The following PARP8 variants were observed in gnomAD, a reference collection of about 807,000 sequenced individuals.
The protein encoded by PARP8 is protein mono-ADP-ribosyltransferase PARP8.
In PARP8, 51 loss-of-function variants were observed where a neutral mutation model predicts 124.1. The ratio of observed to expected loss-of-function variants is 0.41; its 90% CI spans 0.33 to 0.52. The LOEUF (loss-of-function observed/expected upper bound fraction) is 0.52, where lower values mean the gene tolerates loss of function less well. Among genes scored for constraint, PARP8 ranks in the 20% least tolerant of loss-of-function variants. The probability of loss-of-function intolerance (pLI) is 0.21; values close to 1 mark genes in which losing one functional copy is unlikely to be tolerated. For synonymous variants in PARP8, 391 were observed against 361.5 expected, an observed-to-expected ratio of 1.08 and a Z score of -0.93; for missense variants, 860 against 1,018.9, an observed-to-expected ratio of 0.84 and a Z score of 2.12.
rs765290974 is a variant in PARP8 at position 50,797,232 on chromosome 5, G to A, written c.1574G>A (p.Arg525Lys). ...PHVFQNGPMLRPTVCERELCV... is the reference protein window; with the variant it reads ...PHVFQNGPMLKPTVCERELCV... ...GTGTTTCAAAATGGCCCTATGCTTA[G>A]GGTAAGTTCTTGCTGATAGAATGTC... Residue 525 changes from arginine to lysine, a missense_variant and splice_region_variant, in exon 14 of 26, where the codon AGG (arginine) becomes AAG (lysine). Physicochemically the swap from Arg to Lys is conservative, Grantham distance 26. This residue lies in a region of PARP8 where 343 missense variants were observed against 474.7 expected (regional missense o/e 0.72). Transcript: ENST00000281631. The A allele has an allele frequency of 6.3e-7, 1 of 1,597,792 alleles. No homozygotes were observed. The highest frequency in any genetic ancestry group is 1.3e-5 in the African/African-American group (1 of 74,700).
At chr5:50,806,824 T>C (rs555280412) in intron 14 of PARP8, among the ~76,000 whole-genome samples, 3 of 152,210 alleles carry the variant, frequency 2.0e-5, no homozygotes, top group African/African-American at 7.2e-5. Context: ...TGCTGTAAAT[T>C]CAAGAGTAAT....
At chr5:50,699,973 C>T (rs976241432) in intron 2 of PARP8, among the ~76,000 whole-genome samples, 7 of 152,106 alleles carry the variant, frequency 4.6e-5, no homozygotes, top group African/African-American at 1.7e-4. Context: ...GGATAGATAG[C>T]ATGACTCATG....
At chr5:50,667,601 T>A in intron 1 of PARP8, 1 of 699,278 alleles carries the variant, frequency 1.4e-6, no homozygotes, top group Non-Finnish European at 2.6e-6. Flanking sequence ...GCGCTGCGCT[T>A]GTAAGCTGCG....
At chr5:50,784,990 CCT>C (rs987447719) in intron 9 of PARP8, among the ~76,000 whole-genome samples, 10 of 151,808 alleles carry the variant, frequency 6.6e-5, no homozygotes, top group East Asian at 3.9e-4. Context: ...ACTCCAAACC[CCT>C]GTTTCTCTGT....
intron 7 of PARP8, among the ~76,000 whole-genome samples, chr5:50,764,467 G>A (rs979624292): frequency 2.0e-5 from 3 of 152,200 alleles, no homozygotes; most frequent in African/African-American, 7.2e-5. Flanking sequence ...TGGCACAGCT[G>A]TAATTTATAA....
At chr5:50,670,800 C>G (rs1749921709) in intron 2 of PARP8, among the ~76,000 whole-genome samples, 1 of 152,206 alleles carries the variant, frequency 6.6e-6, no homozygotes, top group South Asian at 2.1e-4. Context: ...TTAGTGTTTT[C>G]AAGCTTTTTG....
intron 7 of PARP8, among the ~76,000 whole-genome samples, chr5:50,777,453 C>T (rs1561365575): frequency 6.6e-6 from 1 of 152,036 alleles, no homozygotes; most frequent in African/African-American, 2.4e-5. Context: ...CTTTCATTCG[C>T]TTAAGAAGTA....
chr5:50,765,684 A>G (rs1393807360), intron 7 of PARP8, among the ~76,000 whole-genome samples: 1 of 152,234 alleles, frequency 6.6e-6, no homozygotes, highest in East Asian at 1.9e-4. Flanking sequence ...GATATTTCCA[A>G]AATAAATATC....
In PARP8 at chr5:50,677,924, T is replaced by TA. The variant is rs34570578; in HGVS notation, c.146+9811dup. Among the ~76,000 whole-genome samples, 405 of 143,242 alleles carry TA rather than the reference T, an allele frequency of 2.8e-3. 2 individuals are homozygous for TA. Among genetic ancestry groups the TA allele is most frequent in the African/African-American group, 6.1e-3 (243 of 39,742 alleles). The allele number at this position is 143,242 out of a possible 152,430, so 94.0% of individuals were successfully genotyped here. On this transcript the variant is annotated intron_variant, in intron 2 of 25. Transcript: ENST00000281631. ...TCTGAATATTCTGATTTACAGAAAT[T>TA]AAAAAAAAAAAACCCTGTACATTAT...
chr5:50,747,090 G>T (rs1279252029), intron 2 of PARP8, among the ~76,000 whole-genome samples: 3 of 149,164 alleles, frequency 2.0e-5, no homozygotes, highest in African/African-American at 7.4e-5. Context: ...ATCAAACTTG[G>T]TCTGTTTACT....
At chr5:50,766,323 A>G (rs546301299) in intron 7 of PARP8, among the ~76,000 whole-genome samples, 2 of 152,320 alleles carry the variant, frequency 1.3e-5, no homozygotes, top group African/African-American at 4.8e-5. Context: ...AGTCTGAATA[A>G]GTCTCATCTT....
intron 2 of PARP8, among the ~76,000 whole-genome samples, chr5:50,686,835 A>G (rs1366744260): frequency 6.6e-6 from 1 of 152,142 alleles, no homozygotes; most frequent in South Asian, 2.1e-4. Context: ...AGTGGCTGGG[A>G]CGCAGGGCAT....
intron 2 of PARP8, among the ~76,000 whole-genome samples, chr5:50,730,245 G>C (rs574295015): frequency 6.6e-6 from 1 of 152,068 alleles, no homozygotes; most frequent in South Asian, 2.1e-4. Flanking sequence ...ATGTCAAACT[G>C]TATTAGTCCG....
rs1427814087 is a variant in PARP8 at position 50,679,026 on chromosome 5, A to G, written c.146+10901A>G. ...ATGATATTTATTTGTAACATGTACT[A>G]TTATTGAATAACAATTTCTAATAAA... On this transcript the variant is annotated intron_variant, in intron 2 of 25. Transcript: ENST00000281631. Among the ~76,000 whole-genome samples, 10 of 152,296 alleles carry G rather than the reference A, an allele frequency of 6.6e-5. No individual in the cohort carries two copies. The East Asian group carries it at 1.9e-3, about 29-fold the overall frequency.
At chr5:50,770,076 G>C (rs550362644) in intron 7 of PARP8, among the ~76,000 whole-genome samples, 3 of 151,982 alleles carry the variant, frequency 2.0e-5, no homozygotes, top group African/African-American at 7.2e-5. Flanking sequence ...CTGCTTATCA[G>C]TATATTTGCA....
At chr5:50,696,878 G>A (rs886381853) in intron 2 of PARP8, among the ~76,000 whole-genome samples, 1 of 152,036 alleles carries the variant, frequency 6.6e-6, no homozygotes, top group African/African-American at 2.4e-5. Context: ...ACCTTCCTCT[G>A]TAACATTGGA....
At chr5:50,766,560 T>C (rs1761080136) in intron 7 of PARP8, among the ~76,000 whole-genome samples, 1 of 152,230 alleles carries the variant, frequency 6.6e-6, no homozygotes, top group African/African-American at 2.4e-5. Flanking sequence ...CTTTACCTTA[T>C]TATCATGCCA....
chr5:50,678,142 A>C (rs1279103533), intron 2 of PARP8, among the ~76,000 whole-genome samples: 1 of 152,160 alleles, frequency 6.6e-6, no homozygotes, highest in Non-Finnish European at 1.5e-5. Context: ...AACTATACTA[A>C]ACAAAAAGTA....
Position 50,797,250 on chromosome 5 carries a change from A to G in PARP8, c.1575+17A>G, listed in dbSNP as rs1239905036. On this transcript the variant is annotated intron_variant, in intron 14 of 25. Transcript: ENST00000281631. ...ATGCTTAGGGTAAGTTCTTGCTGAT[A>G]GAATGTCCGTGTTGGTTTAGAATAT... 1.3e-6 allele frequency: 2 copies of G among 1,534,440 alleles called. No homozygotes were observed. The highest frequency in any genetic ancestry group is 9.0e-7 in the Non-Finnish European group (1 of 1,115,238).
Sources: gnomAD v4.1 joint callset for allele counts (sites outside exome capture counted in the v4.1 genomes callset) on GRCh38, gnomAD v4.1.1 for gene constraint, gnomAD v4.1.1 regional missense constraint, MANE v1.5 for transcripts, NCBI Gene and HGNC (gene_info 2026-07-23, HGNC 2026-07-21) for gene names.